The following PTBP2 variants were observed in gnomAD, a reference collection of about 807,000 sequenced individuals.
The protein encoded by PTBP2 is polypyrimidine tract binding protein 2.
Under a neutral mutation model 61.4 loss-of-function variants are expected in PTBP2, and 13 were observed. That is an observed-to-expected ratio of 0.21 (90% CI 0.14 to 0.34). The LOEUF (loss-of-function observed/expected upper bound fraction) is 0.34. Ranked by LOEUF, PTBP2 falls within the 10% of genes least tolerant of loss-of-function variation. The probability of loss-of-function intolerance (pLI) is 1.00; values close to 1 mark genes in which losing one functional copy is unlikely to be tolerated. For missense variants in PTBP2, 405 were observed against 642.6 expected (o/e 0.63, Z 4.00); for synonymous variants, 215 against 218.5 (o/e 0.98, Z 0.14).
intron 2 of PTBP2, among the ~76,000 whole-genome samples, chr1:96,730,427 A>G (rs909763456): frequency 5.9e-5 from 9 of 152,068 alleles, no homozygotes; most frequent in Admixed American, 1.3e-4. Flanking sequence ...TACTTTTTTA[A>G]ATATTTCTTT....
intron 3 of PTBP2, among the ~76,000 whole-genome samples, chr1:96,752,696 ATGGGAAATTAATT>A (rs1654705948): frequency 6.6e-6 from 1 of 152,288 alleles, no homozygotes; most frequent in South Asian, 2.1e-4. Context: ...GTGATCGATA[ATGGGAAATTAATT>A]TGGAATTAAT....
intron 8 of PTBP2, among the ~76,000 whole-genome samples, chr1:96,787,660 A>G (rs1274871185): frequency 3.3e-5 from 5 of 152,228 alleles, no homozygotes; most frequent in Non-Finnish European, 5.9e-5. Context: ...AGAGATAACC[A>G]TTTATTTTCA....
At chr1:96,746,304 C>T (rs1267645119) in intron 2 of PTBP2, among the ~76,000 whole-genome samples, 1 of 151,948 alleles carries the variant, frequency 6.6e-6, no homozygotes, top group Non-Finnish European at 1.5e-5. Context: ...GGAGTTCTTG[C>T]TGTTTCAGAT....
chr1:96,795,238 G>A (rs1487899356), intron 8 of PTBP2, among the ~76,000 whole-genome samples: 1 of 152,134 alleles, frequency 6.6e-6, no homozygotes, highest in Admixed American at 6.5e-5. Context: ...AATAACAGGT[G>A]GGAGACTATT....
At chr1:96,724,246 T>C (rs572469085) in intron 2 of PTBP2, among the ~76,000 whole-genome samples, 1 of 135,818 alleles carries the variant, frequency 7.4e-6, no homozygotes, top group African/African-American at 2.5e-5. Context: ...TGTATTGTAA[T>C]TTTTTTTTGT....
At chr1:96,724,640 A>ATC (rs1264327373) in intron 2 of PTBP2, among the ~76,000 whole-genome samples, 1 of 148,138 alleles carries the variant, frequency 6.8e-6, no homozygotes, top group East Asian at 2.0e-4. Flanking sequence ...CTGACTGTTC[A>ATC]AACATTTTTT....
intron 13 of PTBP2, 62 bp downstream of exon 13, chr1:96,813,168 C>G: frequency 6.5e-7 from 1 of 1,544,946 alleles, no homozygotes; most frequent in Non-Finnish European, 8.8e-7. Context: ...AGTTTTTGTT[C>G]TTTTCGTTTA....
downstream of PTBP2, chr1:96,816,802 C>T (rs1342195061): frequency 1.3e-5 from 2 of 152,130 alleles, no homozygotes; most frequent in African/African-American, 4.8e-5. Flanking sequence ...TTCTGCTCTG[C>T]TCCCCTCACA....
chr1:96,799,231 T>C (rs1030549709), intron 8 of PTBP2, among the ~76,000 whole-genome samples: 3 of 151,890 alleles, frequency 2.0e-5, no homozygotes, highest in African/African-American at 7.3e-5. Context: ...CTTTAGCACA[T>C]GATCGTTTAT....
chr1:96,763,138 C>T (rs563141048), intron 3 of PTBP2, among the ~76,000 whole-genome samples: 118 of 152,152 alleles, frequency 7.8e-4, no homozygotes, highest in African/African-American at 2.6e-3. Flanking sequence ...AGACGATGGG[C>T]GGCCAGGCAG....
At chr1:96,735,213 T>C (rs570467460) in intron 2 of PTBP2, among the ~76,000 whole-genome samples, 1 of 152,220 alleles carries the variant, frequency 6.6e-6, no homozygotes, top group Admixed American at 6.5e-5. Context: ...CCACTGTGCC[T>C]GGCCAATAAG....
chr1:96,803,397 A>G (rs1661213135), intron 8 of PTBP2, among the ~76,000 whole-genome samples: 1 of 152,082 alleles, frequency 6.6e-6, no homozygotes. Flanking sequence ...ATAGCCATAA[A>G]AAAAAGGGAG....
In PTBP2 at chr1:96,751,407, T is replaced by G; in HGVS notation, c.40-18T>G. The G allele has an allele frequency of 1.3e-6, 2 of 1,589,134 alleles. No homozygotes were observed. The highest frequency in any genetic ancestry group is 8.6e-7 in the Non-Finnish European group (1 of 1,158,656). ...AAATTTAAAGATGTCTTATGCTAAT[T>G]TGTTTTTGTTTTCATAGAGAGGATC... On this transcript the variant is annotated intron_variant, in intron 2 of 13. Transcript: ENST00000674951.
At chr1:96,801,134 T>C (rs1334380516) in intron 8 of PTBP2, among the ~76,000 whole-genome samples, 11 of 152,138 alleles carry the variant, frequency 7.2e-5, no homozygotes, top group African/African-American at 2.7e-4. Context: ...TGTATTTAAA[T>C]AGATTGATAA....
chr1:96,782,744 A>G (rs768358560), intron 7 of PTBP2, among the ~76,000 whole-genome samples: 5 of 152,036 alleles, frequency 3.3e-5, no homozygotes, highest in African/African-American at 4.8e-5. Flanking sequence ...TCTGATCCCC[A>G]ACAATCTCTT....
intron 11 of PTBP2, among the ~76,000 whole-genome samples, chr1:96,807,161 G>A (rs1404671975): frequency 6.6e-6 from 1 of 152,130 alleles, no homozygotes; most frequent in Non-Finnish European, 1.5e-5. Flanking sequence ...TTTTTCAAAT[G>A]CACTCATAAT....
At chr1:96,722,176 C>T (rs920129880) in intron 1 of PTBP2, among the ~76,000 whole-genome samples, 5 of 152,108 alleles carry the variant, frequency 3.3e-5, no homozygotes, top group African/African-American at 1.2e-4. Context: ...CCCATAACGT[C>T]TCCCCGGTCT....
chr1:96,807,999 G>A (rs960835362), intron 11 of PTBP2, among the ~76,000 whole-genome samples: 1 of 152,064 alleles, frequency 6.6e-6, no homozygotes, highest in Admixed American at 6.6e-5. Flanking sequence ...GTTGTAAGTA[G>A]CACTTAACAG....
At chr1:96,742,625 G>A (rs1356207539) in intron 2 of PTBP2, among the ~76,000 whole-genome samples, 3 of 146,570 alleles carry the variant, frequency 2.0e-5, no homozygotes, top group Non-Finnish European at 4.5e-5. Context: ...CTTTTAAAAT[G>A]CATTCAAGGT....
Sources: allele counts gnomAD v4.1 joint callset (sites outside exome capture counted in the v4.1 genomes callset), GRCh38; gene constraint gnomAD v4.1.1; transcripts MANE v1.5; gene names NCBI Gene and HGNC (gene_info 2026-07-23, HGNC 2026-07-21).